The following ASCC3 variants were observed in gnomAD, a reference collection of about 807,000 sequenced individuals.
ASCC3 encodes the protein activating signal cointegrator 1 complex subunit 3, also known as ASC-1 complex subunit P200.
Under a neutral mutation model 256.3 loss-of-function variants are expected in ASCC3, and 158 were observed. The observed-to-expected ratio is 0.62, with a 90% CI of 0.54 to 0.70. The LOEUF is 0.70. Among genes scored for constraint, ASCC3 ranks in the 30% least tolerant of loss-of-function variants. ASCC3 has a pLI of 0.00. For synonymous variants in ASCC3, 948 were observed against 883.4 expected (o/e 1.07, Z -1.30); for missense variants, 2,259 against 2,626.0 (o/e 0.86, Z 3.05).
chr6:100,794,207 T>G (rs536933078), intron 8 of ASCC3, among the ~76,000 whole-genome samples: 4 of 152,098 alleles, frequency 2.6e-5, no homozygotes, highest in Non-Finnish European at 4.4e-5. Context: ...TCATTTACTT[T>G]CCTATTTTTA....
intron 4 of ASCC3, among the ~76,000 whole-genome samples, chr6:100,821,827 A>C (rs1771059915): frequency 6.6e-6 from 1 of 151,950 alleles, no homozygotes; most frequent in Admixed American, 6.6e-5. Context: ...CCGACTCACC[A>C]AAAAAAATAA....
intron 13 of ASCC3, among the ~76,000 whole-genome samples, chr6:100,693,884 A>G (rs1190045172): frequency 1.3e-5 from 2 of 152,146 alleles, no homozygotes; most frequent in Non-Finnish European, 2.9e-5. Flanking sequence ...AATAAACAAA[A>G]AGATTAAAGC....
chr6:100,673,173 C>CAG (rs1430255615), intron 14 of ASCC3, among the ~76,000 whole-genome samples: 2 of 152,074 alleles, frequency 1.3e-5, no homozygotes, highest in East Asian at 3.9e-4. Context: ...GTTGGCATTC[C>CAG]AGAGAGAGGA....
At chr6:100,649,434 T>C (rs1490588100) in intron 20 of ASCC3, among the ~76,000 whole-genome samples, 5 of 151,660 alleles carry the variant, frequency 3.3e-5, no homozygotes, top group Non-Finnish European at 5.9e-5. Flanking sequence ...ATTATTCCTA[T>C]AGAAGCTATA....
At chr6:100,521,364 C>T (rs748375480) in intron 37 of ASCC3, among the ~76,000 whole-genome samples, 10 of 152,012 alleles carry the variant, frequency 6.6e-5, no homozygotes, top group Non-Finnish European at 1.2e-4. Flanking sequence ...GCTGAGGTTG[C>T]TAAAGCATAC....
intron 10 of ASCC3, among the ~76,000 whole-genome samples, chr6:100,766,355 A>C (rs1781655168): frequency 6.6e-6 from 1 of 152,210 alleles, no homozygotes; most frequent in African/African-American, 2.4e-5. Context: ...AGATGCAGTA[A>C]GAATTACAGG....
intron 26 of ASCC3, among the ~76,000 whole-genome samples, 170 bp downstream of exon 26, chr6:100,630,958 G>T (rs1774510694): frequency 6.6e-6 from 1 of 151,798 alleles, no homozygotes; most frequent in African/African-American, 2.4e-5. Context: ...TTAATAGTAG[G>T]TACATATCTT....
chr6:100,688,497 T>C (rs1284986693), intron 13 of ASCC3, among the ~76,000 whole-genome samples: 1 of 152,210 alleles, frequency 6.6e-6, no homozygotes, highest in Non-Finnish European at 1.5e-5. Flanking sequence ...AAATAGAAAC[T>C]CTCATACCTA....
chr6:100,638,655 A>C lies in ASCC3; in HGVS notation c.4068T>G (p.Thr1356=). The change falls in exon 25 of 42, where the codon ACT becomes ACG. Residue 1356 remains threonine (T), a synonymous_variant. Coordinates refer to ENST00000369162, the MANE Select transcript of ASCC3 (RefSeq NM_006828.4). ...TGAAAATGGCTAATTCAGCTGCAAC[A>C]GTCTTTCCCGATCCAGTAGGTGCTC... is the stretch of plus-strand genomic sequence containing the variant. ...LLGAPTGSGK[T]VAAELAIFRV... 1 of 1,613,982 alleles carries C rather than the reference A, an allele frequency of 6.2e-7. No individual in the cohort carries two copies. The highest frequency in any genetic ancestry group is 8.5e-7 in the Non-Finnish European group (1 of 1,179,850).
intron 10 of ASCC3, among the ~76,000 whole-genome samples, chr6:100,760,873 T>C (rs1202636319): frequency 6.6e-6 from 1 of 152,032 alleles, no homozygotes; most frequent in Non-Finnish European, 1.5e-5. Flanking sequence ...TCTATTCCCA[T>C]CAGCAAAATC....
rs187216565 is a variant in ASCC3, at chr6:100,701,924, C to A, written c.2151+13538G>T. Among the ~76,000 whole-genome samples the A allele has an allele frequency of 3.3e-5, 5 of 151,588 alleles. No individual in the cohort carries two copies. In the East Asian group the frequency reaches 9.7e-4, roughly 29 times the overall value. ...CACTATGATGAGGGATGAAAGAAGG[C>A]GTGGGAGGTGGAAGTGAGAGAGAAA... is the stretch of plus-strand genomic sequence containing the variant. On this transcript the variant is annotated intron_variant, in intron 13 of 41. Coordinates refer to ENST00000369162, the MANE Select transcript of ASCC3 (RefSeq NM_006828.4).
At chr6:100,785,395 C>T (rs1050416445) in intron 8 of ASCC3, among the ~76,000 whole-genome samples, 1 of 152,088 alleles carries the variant, frequency 6.6e-6, no homozygotes, top group African/African-American at 2.4e-5. Context: ...CATCCATTCA[C>T]TCATTTAATC....
At chr6:100,772,608 T>C (rs543945053) in intron 8 of ASCC3, among the ~76,000 whole-genome samples, 52 of 152,212 alleles carry the variant, frequency 3.4e-4, no homozygotes, top group Non-Finnish European at 6.8e-4. Flanking sequence ...TAGTATCTCT[T>C]AGGCCTAGAA....
intron 10 of ASCC3, among the ~76,000 whole-genome samples, chr6:100,746,779 A>G (rs1293973204): frequency 6.6e-6 from 1 of 152,208 alleles, no homozygotes; most frequent in Non-Finnish European, 1.5e-5. Flanking sequence ...ACTTAACCAG[A>G]TTTCAAAACT....
rs73504982 is a variant in ASCC3 at position 100,780,630 on chromosome 6, A to T, written c.1396-13285T>A. ...AAAAGAAAATAAAAAACTACATATTAAGGAGTCTTTAGGAAAGAGAAAGGA... is the reference window on the plus strand; with the variant it reads ...AAAAGAAAATAAAAAACTACATATTTAGGAGTCTTTAGGAAAGAGAAAGGA... On this transcript the variant is annotated intron_variant, in intron 8 of 41. Transcript: ENST00000369162. Among the ~76,000 whole-genome samples the T allele has an allele frequency of 1.7e-3, 253 of 152,254 alleles. 2 individuals are homozygous for T. Among genetic ancestry groups the T allele is most frequent in the African/African-American group, 5.8e-3 (243 of 41,550 alleles).
intron 8 of ASCC3, among the ~76,000 whole-genome samples, chr6:100,772,546 C>A: frequency 6.6e-6 from 1 of 152,164 alleles, no homozygotes; most frequent in Non-Finnish European, 1.5e-5. Flanking sequence ...ATCTATTATA[C>A]ATTTGCTTAT....
intron 11 of ASCC3, among the ~76,000 whole-genome samples, chr6:100,725,138 G>T (rs1228385392): frequency 1.3e-5 from 2 of 151,894 alleles, no homozygotes; most frequent in Non-Finnish European, 2.9e-5. Flanking sequence ...ATGAATAAAA[G>T]ACAATAAATG....
chr6:100,526,345 A>G (rs917763588), intron 37 of ASCC3, among the ~76,000 whole-genome samples: 2 of 152,168 alleles, frequency 1.3e-5, no homozygotes, highest in Admixed American at 6.5e-5. Context: ...TACAGCCCCA[A>G]CCGGGAAAAG....
chr6:100,622,504 C>T (rs905192603), intron 30 of ASCC3, among the ~76,000 whole-genome samples: 5 of 152,034 alleles, frequency 3.3e-5, no homozygotes, highest in African/African-American at 1.2e-4. Context: ...TCAATTAAAC[C>T]TCTTTCCTTT....
Sources: gnomAD v4.1 joint callset for allele counts (sites outside exome capture counted in the v4.1 genomes callset) on GRCh38, gnomAD v4.1.1 for gene constraint, MANE v1.5 for transcripts, NCBI Gene and HGNC (gene_info 2026-07-23, HGNC 2026-07-21) for gene names.